Variants in FIG4 observed in about 807,000 individuals in gnomAD.
FIG4 encodes the protein polyphosphoinositide phosphatase.
FIG4 carries 112 observed loss-of-function variants against 118.6 expected under a neutral mutation model. The ratio of observed to expected loss-of-function variants is 0.94; its 90% confidence interval spans 0.81 to 1.11. The LOEUF (loss-of-function observed/expected upper bound fraction) is 1.11. FIG4 is among the 50% of genes least tolerant of loss of function. FIG4 has a pLI of 0.00. For missense variants in FIG4, 969 were observed against 1,111.7 expected (o/e 0.87, Z 1.83); for synonymous variants, 369 against 381.2 (o/e 0.97, Z 0.37).
At chr6:109,818,100 A>ACAGT (rs1257631173) in intron 22 of FIG4, among the ~76,000 whole-genome samples, 1 of 152,228 alleles carries the variant, frequency 6.6e-6, no homozygotes, top group African/African-American at 2.4e-5. Context: ...CCTCAGCTAT[A>ACAGT]CAGTTGTCCC....
chr6:109,700,256 A>C (rs1431623480), intron 1 of FIG4, among the ~76,000 whole-genome samples: 1 of 152,244 alleles, frequency 6.6e-6, no homozygotes, highest in Non-Finnish European at 1.5e-5. Context: ...ATGTAAATTT[A>C]AAAGTAGTCA....
At chr6:109,765,197 T>A (rs1198182849) in intron 14 of FIG4, 36 bp downstream of exon 14, 1 of 1,593,286 alleles carries the variant, frequency 6.3e-7, no homozygotes. Flanking sequence ...ATGCTGATAA[T>A]GGCAGAAGGC....
At chr6:109,749,675 A>G (rs972408695) in intron 10 of FIG4, among the ~76,000 whole-genome samples, 2 of 152,130 alleles carry the variant, frequency 1.3e-5, no homozygotes, top group African/African-American at 4.8e-5. Flanking sequence ...CTGTCATTAA[A>G]TGGAGATTCA....
At chr6:109,693,088 G>A (rs927435556) in intron 1 of FIG4, among the ~76,000 whole-genome samples, 1 of 152,096 alleles carries the variant, frequency 6.6e-6, no homozygotes, top group Non-Finnish European at 1.5e-5. Context: ...GGGCTCTTCT[G>A]CTCAGAAATC....
At chr6:109,809,857 G>T (rs751205586) in intron 22 of FIG4, among the ~76,000 whole-genome samples, 2 of 152,138 alleles carry the variant, frequency 1.3e-5, no homozygotes, top group South Asian at 4.1e-4. Flanking sequence ...CTGAAAGATT[G>T]CAGATGGGCA....
chr6:109,790,280 A>G (rs770412691), intron 19 of FIG4, among the ~76,000 whole-genome samples: 1 of 152,206 alleles, frequency 6.6e-6, no homozygotes, highest in African/African-American at 2.4e-5. Flanking sequence ...ACAGAGTCCT[A>G]ATTGTATGGA....
chr6:109,749,524 T>C (rs918513747), intron 10 of FIG4, among the ~76,000 whole-genome samples: 5 of 151,626 alleles, frequency 3.3e-5, no homozygotes, highest in Non-Finnish European at 1.5e-5. Flanking sequence ...AATTATAAAG[T>C]GTTACTGGAT....
intron 15 of FIG4, among the ~76,000 whole-genome samples, chr6:109,770,621 C>T (rs1425251758): frequency 3.3e-5 from 5 of 152,090 alleles, no homozygotes; most frequent in Admixed American, 6.5e-5. Flanking sequence ...TTCTCAGTTT[C>T]TAGGTGGGGC....
At chr6:109,742,332 T>C (rs1312036799) in intron 8 of FIG4, among the ~76,000 whole-genome samples, 1 of 152,044 alleles carries the variant, frequency 6.6e-6, no homozygotes, top group Non-Finnish European at 1.5e-5. Context: ...TGTTCATCGC[T>C]AGGAAATAAC....
chr6:109,696,775 CAG>C (rs1276129203), intron 1 of FIG4, among the ~76,000 whole-genome samples: 2 of 152,030 alleles, frequency 1.3e-5, no homozygotes, highest in Non-Finnish European at 2.9e-5. Context: ...GGAGGGTTAA[CAG>C]ATATAAAATA....
intron 18 of FIG4, among the ~76,000 whole-genome samples, chr6:109,786,934 C>T (rs150749766): frequency 8.0e-4 from 121 of 152,190 alleles, no homozygotes; most frequent in African/African-American, 2.7e-3. Flanking sequence ...CCCGCAAGTG[C>T]CTTTGTAGTG....
chr6:109,785,826 A>T, intron 17 of FIG4: 1 of 404,116 alleles, frequency 2.5e-6, no homozygotes, highest in Non-Finnish European at 5.3e-6. Flanking sequence ...TTTGGAAGGT[A>T]TTTGTAACTT....
chr6:109,796,706 A>C, intron 21 of FIG4, 59 bp from the exon 22 acceptor site: 2 of 957,410 alleles, frequency 2.1e-6, no homozygotes, highest in Non-Finnish European at 3.4e-6. Flanking sequence ...TGTGTGATCT[A>C]CTGAATTAAT....
chr6:109,721,810 G>A (rs1030069689), intron 3 of FIG4, among the ~76,000 whole-genome samples: 1 of 152,162 alleles, frequency 6.6e-6, no homozygotes, highest in Non-Finnish European at 1.5e-5. Context: ...GAAGCCATTT[G>A]TGCTGGAAGA....
At chr6:109,789,718 A>G (rs375892092) in intron 19 of FIG4, 41 bp downstream of exon 19, 6 of 1,348,710 alleles carry the variant, frequency 4.4e-6, no homozygotes, top group Non-Finnish European at 4.3e-6. Context: ...AGATTTGTGT[A>G]AAAGAATAGT....
rs759566206 is a variant in FIG4 at position 109,735,298 on chromosome 6, G to A, written c.646G>A (p.Gly216Arg). 8 of 1,612,448 alleles carry A rather than the reference G, an allele frequency of 5.0e-6. No homozygotes were observed. Among genetic ancestry groups the A allele is most frequent in the East Asian group, 2.2e-5 (1 of 44,854 alleles). ...AGGATTAATTACACAAGGTGGAAGC[G>A]GTAGGTGGTCTTGATATATCTAATG... ...DEGLITQGGSGVFGICSEPYM... is the reference protein window; with the variant it reads ...DEGLITQGGSRVFGICSEPYM... The change falls in exon 6 of 23, where the codon GGG becomes AGG. Residue 216 changes from glycine to arginine, a missense_variant and splice_region_variant. Coordinates refer to ENST00000230124, the MANE Select transcript of FIG4 (RefSeq NM_014845.6).
chr6:109,773,356 A>G (rs569263628), intron 15 of FIG4, among the ~76,000 whole-genome samples: 2 of 152,280 alleles, frequency 1.3e-5, no homozygotes, highest in East Asian at 3.9e-4. Flanking sequence ...TTGGGGGCCA[A>G]ATTTCTTCCT....
chr6:109,696,826 C>T (rs1774736443), intron 1 of FIG4, among the ~76,000 whole-genome samples: 1 of 152,034 alleles, frequency 6.6e-6, no homozygotes, highest in Admixed American at 6.6e-5. Flanking sequence ...TGTTTTATAG[C>T]ACTGTAGGCT....
Position 109,762,218 on chromosome 6 carries a change from T to C in FIG4, c.1388+11T>C. On this transcript the variant is annotated intron_variant, in intron 12 of 22. Coordinates refer to ENST00000230124, the MANE Select transcript of FIG4 (RefSeq NM_014845.6). ...GCGGCCAGATGAAAAGTATGTATGGTATTTTAAAACTTATAATAAATGATG... is the reference window on the plus strand; with the variant it reads ...GCGGCCAGATGAAAAGTATGTATGGCATTTTAAAACTTATAATAAATGATG... 6.8e-7 allele frequency: 1 copy of C among 1,472,568 alleles called. No homozygotes were observed. 91.2% of individuals were successfully genotyped at this position (1,472,568 alleles called of 1,614,324 possible).
Sources: gnomAD v4.1 joint callset for allele counts (sites outside exome capture counted in the v4.1 genomes callset) on GRCh38, gnomAD v4.1.1 for gene constraint, MANE v1.5 for transcripts, NCBI Gene and HGNC (gene_info 2026-07-23, HGNC 2026-07-21) for gene names.